Variants in TENM3 observed in about 807,000 individuals in gnomAD.
TENM3 encodes teneurin transmembrane protein 3.
A neutral mutation model predicts 255.1 loss-of-function variants in TENM3; 63 were observed. That is an observed-to-expected ratio of 0.25 (90% CI 0.20 to 0.30). The LOEUF is 0.30. Among genes scored for constraint, TENM3 ranks in the 10% least tolerant of loss-of-function variants. The pLI is 1.00. For missense variants in TENM3, 2,929 were observed against 3,461.1 expected (o/e 0.85, Z 3.86); for synonymous variants, 1,306 against 1,322.3 (o/e 0.99, Z 0.27).
chr4:182,457,558 C>CTTTTTT (rs768197836), intron 3 of TENM3, among the ~76,000 whole-genome samples: 83,048 of 114,844 alleles, frequency 0.72, 31,579 homozygotes, highest in East Asian at 0.93. Context: ...TCATGTATAT[C>CTTTTTT]TTTTTTTTTT....
At chr4:182,696,284 C>A (rs1028295899) in intron 12 of TENM3, among the ~76,000 whole-genome samples, 1 of 152,056 alleles carries the variant, frequency 6.6e-6, no homozygotes, top group Admixed American at 6.6e-5. Context: ...AGTAAACTAT[C>A]GCATAGAATA....
At chr4:182,424,823 T>C (rs1473963621) in intron 3 of TENM3, among the ~76,000 whole-genome samples, 2 of 152,170 alleles carry the variant, frequency 1.3e-5, no homozygotes, top group Non-Finnish European at 2.9e-5. Flanking sequence ...AGAGTAGTAA[T>C]GTAGAGAAAA....
intron 5 of TENM3, among the ~76,000 whole-genome samples, chr4:182,647,534 G>T (rs1044570389): frequency 6.6e-6 from 1 of 152,098 alleles, no homozygotes; most frequent in East Asian, 1.9e-4. Context: ...TTTGCATGTC[G>T]CATTCTATAG....
chr4:181,821,445 A>G, the TENM3 span: 1 of 152,168 alleles, frequency 6.6e-6, no homozygotes, highest in Non-Finnish European at 1.5e-5. Context: ...CTCCATCTTA[A>G]TTATTCTTTA....
chr4:182,053,531 G>A, the TENM3 span, among the ~76,000 whole-genome samples: 1 of 152,064 alleles, frequency 6.6e-6, no homozygotes, highest in Non-Finnish European at 1.5e-5. Context: ...TGACCACAGG[G>A]GTCCACAGTG....
chr4:182,722,592 T>A (rs1356572480), intron 13 of TENM3, among the ~76,000 whole-genome samples: 2 of 152,136 alleles, frequency 1.3e-5, no homozygotes. Flanking sequence ...AGGAAACGAT[T>A]GTGGTGAAAG....
chr4:182,571,153 G>A (rs1360319046), intron 3 of TENM3, among the ~76,000 whole-genome samples: 3 of 152,166 alleles, frequency 2.0e-5, no homozygotes, highest in Non-Finnish European at 2.9e-5. Flanking sequence ...TGTCTTAGAC[G>A]TGTAAAGGCC....
intron 1 of TENM3, among the ~76,000 whole-genome samples, chr4:182,250,276 T>A (rs1394001310): frequency 4.1e-4 from 63 of 152,036 alleles, no homozygotes; most frequent in African/African-American, 1.5e-3. Context: ...ATGGTCTCGA[T>A]CTCCTGACCT....
At chr4:182,600,260 A>T (rs6827988) in intron 3 of TENM3, among the ~76,000 whole-genome samples, 1 of 152,106 alleles carries the variant, frequency 6.6e-6, no homozygotes, top group Non-Finnish European at 1.5e-5. Flanking sequence ...CATTAAGTAT[A>T]TGAGTCTTCT....
chr4:182,764,487 A>G (rs1763504133), intron 22 of TENM3, among the ~76,000 whole-genome samples: 1 of 152,194 alleles, frequency 6.6e-6, no homozygotes, highest in Admixed American at 6.5e-5. Context: ...TCTAAATCCG[A>G]TTGAGAACTG....
At chr4:181,803,790 G>A in the TENM3 span, among the ~76,000 whole-genome samples, 2 of 151,842 alleles carry the variant, frequency 1.3e-5, no homozygotes, top group African/African-American at 4.8e-5. Context: ...AAAAAAATTA[G>A]CCAGGTGTGG....
At chr4:182,731,199 G>C in intron 16 of TENM3, 60 bp downstream of exon 16, 2 of 1,558,272 alleles carry the variant, frequency 1.3e-6, no homozygotes, top group Non-Finnish European at 1.7e-6. Flanking sequence ...TGTTTTGCCA[G>C]AGAATCTTAA....
the TENM3 span, among the ~76,000 whole-genome samples, chr4:181,995,867 T>A: frequency 6.6e-6 from 1 of 152,046 alleles, no homozygotes; most frequent in Non-Finnish European, 1.5e-5. Flanking sequence ...ATAAGTAAGA[T>A]TTATAAGAGA....
the TENM3 span, among the ~76,000 whole-genome samples, chr4:181,676,964 A>G: frequency 8.7e-5 from 13 of 149,382 alleles, no homozygotes; most frequent in East Asian, 2.6e-3. Context: ...AGCTTCAGTC[A>G]CATGACCTAT....
chr4:182,602,552 G>A (rs182776101), intron 4 of TENM3, among the ~76,000 whole-genome samples: 3 of 152,130 alleles, frequency 2.0e-5, no homozygotes, highest in Non-Finnish European at 4.4e-5. Flanking sequence ...TAAGAACAAG[G>A]TTCTAAAGAA....
At chr4:181,748,683 T>C in the TENM3 span, among the ~76,000 whole-genome samples, 1 of 152,034 alleles carries the variant, frequency 6.6e-6, no homozygotes, top group Admixed American at 6.6e-5. Flanking sequence ...AAAAATAAAA[T>C]ATGTTCGATT....
At chr4:182,507,303 A>T (rs916341591) in intron 3 of TENM3, among the ~76,000 whole-genome samples, 1 of 152,226 alleles carries the variant, frequency 6.6e-6, no homozygotes, top group East Asian at 1.9e-4. Flanking sequence ...ATTAGGTCCC[A>T]TAATCTCTGA....
intron 1 of TENM3, among the ~76,000 whole-genome samples, chr4:182,263,410 C>T (rs1166785361): frequency 2.0e-5 from 3 of 152,074 alleles, no homozygotes; most frequent in Non-Finnish European, 4.4e-5. Context: ...GGGTTAGAGG[C>T]CCCTGAATCT....
At chr4:182,163,364 C>T (rs1751487520) in intron 1 of TENM3, among the ~76,000 whole-genome samples, 3 of 152,214 alleles carry the variant, frequency 2.0e-5, no homozygotes, top group Admixed American at 2.0e-4. Flanking sequence ...ACCTCCTGAT[C>T]TGGCCAGGCC....
Sources: gnomAD v4.1 joint callset for allele counts (sites outside exome capture counted in the v4.1 genomes callset) on GRCh38, gnomAD v4.1.1 for gene constraint, MANE v1.5 for transcripts, NCBI Gene and HGNC (gene_info 2026-07-23, HGNC 2026-07-21) for gene names.